TBC1D19: variants seen among roughly 807,000 people sequenced by gnomAD.
TBC1D19 encodes TBC1 domain family, member 19.
In TBC1D19, 60 loss-of-function variants were observed where a neutral mutation model predicts 89.0. That is an observed-to-expected ratio of 0.67 (90% confidence interval 0.55 to 0.84). TBC1D19 has a LOEUF of 0.84. Ranked by LOEUF, TBC1D19 falls within the 40% of genes least tolerant of loss-of-function variation. TBC1D19 has a pLI of 0.00. For missense variants in TBC1D19, 500 were observed against 610.8 expected, an observed-to-expected ratio of 0.82 and a Z score of 1.91; for synonymous variants, 189 against 199.7, an observed-to-expected ratio of 0.95 and a Z score of 0.45.
intron 4 of TBC1D19, among the ~76,000 whole-genome samples, chr4:26,629,816 A>G (rs1479163409): frequency 6.6e-6 from 1 of 152,004 alleles, no homozygotes; most frequent in Non-Finnish European, 1.5e-5. Context: ...CAAAATATAA[A>G]ACAACATAAT....
rs760999769 is a variant in TBC1D19, at chr4:26,637,271, C to A, written c.355C>A (p.Pro119Thr). The change falls in exon 5 of 21, where the codon CCA becomes ACA. Residue 119 changes from proline to threonine, a missense_variant. Coordinates refer to ENST00000264866, the MANE Select transcript of TBC1D19 (RefSeq NM_018317.4). Reference protein sequence around the residue: ...LNSMCTELSIPLARKRPVGEQ... With the variant: ...LNSMCTELSITLARKRPVGEQ... ...TAGTATGTGCACTGAACTGAGTATC[C>A]CACTGGCACGAAAGGTACTTTTAAA... is the stretch of plus-strand genomic sequence containing the variant. 6.2e-7 allele frequency: 1 copy of A among 1,608,166 alleles called. No homozygotes were observed. The highest frequency in any genetic ancestry group is 8.5e-7 in the Non-Finnish European group (1 of 1,177,202).
chr4:26,692,513 A>G (rs1242260904), intron 13 of TBC1D19, among the ~76,000 whole-genome samples: 1 of 152,242 alleles, frequency 6.6e-6, no homozygotes, highest in Non-Finnish European at 1.5e-5. Context: ...GCCACTGTCC[A>G]CAATCCGGCT....
chr4:26,677,847 A>G (rs1237617718), intron 11 of TBC1D19, among the ~76,000 whole-genome samples: 2 of 152,072 alleles, frequency 1.3e-5, no homozygotes, highest in South Asian at 4.1e-4. Context: ...GCCTTCTGCT[A>G]TGATTGTAAA....
Position 26,755,124 on chromosome 4 carries a change from A to G in TBC1D19, c.*177A>G, listed in dbSNP as rs1383446577. ...TTTTGAAACAATAACTCTGCACCAA[A>G]TATTGCATCGCATGCTGCTGATTTT... is the stretch of plus-strand genomic sequence containing the variant. On this transcript the variant is annotated 3_prime_UTR_variant, in exon 21 of 21. Transcript: ENST00000264866. 1.0e-5 allele frequency: 4 copies of G among 384,546 alleles called. No homozygotes were observed. The highest frequency in any genetic ancestry group is 8.5e-5 in the African/African-American group (4 of 47,182). The allele number at this position is 384,546 out of a possible 1,614,324, so 23.8% of individuals were successfully genotyped here.
the TBC1D19 span, among the ~76,000 whole-genome samples, chr4:26,817,862 A>C: frequency 6.6e-6 from 1 of 151,546 alleles, no homozygotes; most frequent in Non-Finnish European, 1.5e-5. Context: ...CAGCCACTTG[A>C]AAGGCTGAGA....
At chr4:26,824,602 A>G in the TBC1D19 span, among the ~76,000 whole-genome samples, 1 of 151,904 alleles carries the variant, frequency 6.6e-6, no homozygotes, top group Admixed American at 6.6e-5. Context: ...CTTCTACAAC[A>G]TAGTTTCCAC....
At chr4:26,636,287 T>A (rs1279383014) in intron 4 of TBC1D19, among the ~76,000 whole-genome samples, 1 of 151,922 alleles carries the variant, frequency 6.6e-6, no homozygotes, top group East Asian at 1.9e-4. Context: ...TTTTAGCTTG[T>A]CATTGAAAAG....
the TBC1D19 span, among the ~76,000 whole-genome samples, chr4:26,810,232 T>G: frequency 1.3e-5 from 2 of 152,208 alleles, no homozygotes; most frequent in Non-Finnish European, 2.9e-5. Flanking sequence ...TGCCTTCTTT[T>G]TCCTGACCCA....
At chr4:26,848,509 T>C in the TBC1D19 span, among the ~76,000 whole-genome samples, 1 of 152,228 alleles carries the variant, frequency 6.6e-6, no homozygotes, top group Admixed American at 6.5e-5. Context: ...ATTCTTCACT[T>C]GTATCTGTAG....
chr4:26,705,782 G>A (rs1715690210), intron 13 of TBC1D19, among the ~76,000 whole-genome samples: 1 of 152,040 alleles, frequency 6.6e-6, no homozygotes, highest in Non-Finnish European at 1.5e-5. Flanking sequence ...GGCTATTTGG[G>A]GTTTCTCGTA....
rs190753117 is a variant in TBC1D19, at chr4:26,653,052, A to T, written c.481-6545A>T. 1.4e-4 allele frequency among the ~76,000 whole-genome samples: 21 copies of T among 152,202 alleles called. No homozygotes were observed. The East Asian group carries it at 4.1e-3, about 29-fold the overall frequency. ...ATACTGCTTTGAATGTGTTCCAGAG[A>T]TTCTGGTATGTTGTGCCTTTTTTCT... is the stretch of plus-strand genomic sequence containing the variant. On this transcript the variant is annotated intron_variant, in intron 7 of 20. Transcript: ENST00000264866.
At chr4:26,652,665 A>G (rs1028749981) in intron 7 of TBC1D19, among the ~76,000 whole-genome samples, 1 of 152,170 alleles carries the variant, frequency 6.6e-6, no homozygotes, top group African/African-American at 2.4e-5. Context: ...AGAGGTGTTT[A>G]TAGTATTCTC....
At chr4:26,618,778 C>T (rs1031315095) in intron 3 of TBC1D19, among the ~76,000 whole-genome samples, 1 of 152,122 alleles carries the variant, frequency 6.6e-6, no homozygotes, top group Non-Finnish European at 1.5e-5. Flanking sequence ...AGTCTGGAAG[C>T]GCTTAGGAAC....
At chr4:26,610,911 G>A (rs1741340786) in intron 1 of TBC1D19, among the ~76,000 whole-genome samples, 1 of 152,022 alleles carries the variant, frequency 6.6e-6, no homozygotes, top group African/African-American at 2.4e-5. Context: ...ATGAACATAG[G>A]CATGCGTATG....
the TBC1D19 span, among the ~76,000 whole-genome samples, chr4:26,833,048 G>A: frequency 6.6e-6 from 1 of 152,054 alleles, no homozygotes; most frequent in Non-Finnish European, 1.5e-5. Context: ...AAAAATCAGT[G>A]AGTGCTGAGT....
At chr4:26,817,981 A>AAAT in the TBC1D19 span, among the ~76,000 whole-genome samples, 404 of 126,038 alleles carry the variant, frequency 3.2e-3, 3 homozygotes, top group African/African-American at 0.013. Flanking sequence ...AAAAAAAAAA[A>AAAT]ATATATATAT....
intron 7 of TBC1D19, among the ~76,000 whole-genome samples, chr4:26,650,708 T>C (rs1188209645): frequency 6.6e-6 from 1 of 152,224 alleles, no homozygotes; most frequent in East Asian, 1.9e-4. Context: ...GCAGAAGCTC[T>C]TTTGTTTAAT....
intron 19 of TBC1D19, 27 bp from the exon 20 acceptor site, chr4:26,753,793 G>T: frequency 1.2e-6 from 2 of 1,613,664 alleles, no homozygotes; most frequent in East Asian, 4.5e-5. Context: ...TAGGCCAGCA[G>T]TTGAAGTAGT....
chr4:26,802,961 G>A, the TBC1D19 span, among the ~76,000 whole-genome samples: 1 of 152,200 alleles, frequency 6.6e-6, no homozygotes, highest in Non-Finnish European at 1.5e-5. Context: ...TGCGGTGGAG[G>A]CATGAAGCTC....
Sources: allele counts gnomAD v4.1 joint callset (sites outside exome capture counted in the v4.1 genomes callset), GRCh38; gene constraint gnomAD v4.1.1; transcripts MANE v1.5; gene names NCBI Gene and HGNC (gene_info 2026-07-23, HGNC 2026-07-21).